The following CNTNAP5 variants were observed in gnomAD, a reference collection of about 807,000 sequenced individuals.
The protein encoded by CNTNAP5 is contactin-associated protein-like 5.
Under a neutral mutation model 150.2 loss-of-function variants are expected in CNTNAP5, and 72 were observed. The ratio of observed to expected loss-of-function variants is 0.48; its 90% CI spans 0.40 to 0.58. The LOEUF (loss-of-function observed/expected upper bound fraction) is 0.58, where lower values mean the gene tolerates loss of function less well. Among genes scored for constraint, CNTNAP5 ranks in the 20% least tolerant of loss-of-function variants. CNTNAP5 has a pLI of 0.00. For missense variants in CNTNAP5, 1,636 were observed against 1,626.2 expected, an observed-to-expected ratio of 1.01 and a Z score of -0.10; for synonymous variants, 672 against 619.8, an observed-to-expected ratio of 1.08 and a Z score of -1.25.
In CNTNAP5 at chr2:124,449,885, T is replaced by C. The variant is rs151268395; in HGVS notation, c.918+2948T>C. On this transcript the variant is annotated intron_variant, in intron 6 of 23. Coordinates refer to ENST00000682447, the MANE Select transcript of CNTNAP5 (RefSeq NM_001367498.1). ...CTTTGAAGATTCACCCCAAAGTCTGTGTGGAGATGAAAGAACACTGGTGCA... is the reference window on the plus strand; with the variant it reads ...CTTTGAAGATTCACCCCAAAGTCTGCGTGGAGATGAAAGAACACTGGTGCA... Among the ~76,000 whole-genome samples, 15 of 152,218 alleles carry C rather than the reference T, an allele frequency of 9.9e-5. No homozygotes were observed. The East Asian group carries it at 2.9e-3, about 29-fold the overall frequency.
chr2:124,909,824 G>GATATATAT (rs1203121251), intron 22 of CNTNAP5, among the ~76,000 whole-genome samples: 416 of 29,194 alleles, frequency 0.014, 5 homozygotes, highest in African/African-American at 0.038. Context: ...ATCAATTGGT[G>GATATATAT]ACATATATAT....
At chr2:124,485,567 C>A (rs1381366276) in intron 7 of CNTNAP5, among the ~76,000 whole-genome samples, 2 of 142,662 alleles carry the variant, frequency 1.4e-5, no homozygotes, top group Admixed American at 1.5e-4. Flanking sequence ...GAGCCGAGAT[C>A]ACGCCACTGC....
At chr2:124,118,925 A>G (rs1304356252) in intron 1 of CNTNAP5, among the ~76,000 whole-genome samples, 1 of 152,154 alleles carries the variant, frequency 6.6e-6, no homozygotes, top group East Asian at 1.9e-4. Context: ...ATACTCTTTC[A>G]TGTATACAAT....
At chr2:124,209,152 C>T (rs922937565) in intron 1 of CNTNAP5, among the ~76,000 whole-genome samples, 1 of 152,182 alleles carries the variant, frequency 6.6e-6, no homozygotes, top group Non-Finnish European at 1.5e-5. Flanking sequence ...GCTCACTCAT[C>T]AGACTTCAAG....
chr2:124,289,495 C>T (rs1055749207), intron 3 of CNTNAP5, among the ~76,000 whole-genome samples: 1 of 152,036 alleles, frequency 6.6e-6, no homozygotes, highest in African/African-American at 2.4e-5. Context: ...CATCAGTCTC[C>T]ATAATATTAA....
At chr2:124,087,673 G>C (rs1021382265) in intron 1 of CNTNAP5, among the ~76,000 whole-genome samples, 2 of 151,850 alleles carry the variant, frequency 1.3e-5, no homozygotes, top group African/African-American at 4.9e-5. Context: ...AGTGAGCTGA[G>C]ATGGTGCCAC....
chr2:124,753,377 T>G (rs575872521), intron 14 of CNTNAP5, among the ~76,000 whole-genome samples: 3 of 152,324 alleles, frequency 2.0e-5, no homozygotes, highest in Non-Finnish European at 4.4e-5. Context: ...GGATGAATGA[T>G]TTCTGTTAGA....
chr2:124,451,428 T>C (rs1692980336), intron 6 of CNTNAP5, among the ~76,000 whole-genome samples: 1 of 151,990 alleles, frequency 6.6e-6, no homozygotes, highest in South Asian at 2.1e-4. Context: ...ATTTCGTCTA[T>C]GTAAAATTTT....
chr2:124,546,112 C>T (rs1209551258), intron 10 of CNTNAP5, among the ~76,000 whole-genome samples: 1 of 151,988 alleles, frequency 6.6e-6, no homozygotes, highest in Non-Finnish European at 1.5e-5. Context: ...ATCCAACACC[C>T]CAGTTGGATA....
chr2:124,628,734 G>A (rs1219432151), intron 12 of CNTNAP5, among the ~76,000 whole-genome samples: 1 of 152,092 alleles, frequency 6.6e-6, no homozygotes, highest in Non-Finnish European at 1.5e-5. Context: ...TACATTAAAT[G>A]GGCTAAATGC....
At chr2:124,490,769 G>A (rs1032914784) in intron 7 of CNTNAP5, among the ~76,000 whole-genome samples, 39 of 152,050 alleles carry the variant, frequency 2.6e-4, no homozygotes, top group African/African-American at 8.4e-4. Flanking sequence ...TAATTATTAT[G>A]TAATGTTTTT....
chr2:124,687,474 G>A (rs1679215378), intron 13 of CNTNAP5, among the ~76,000 whole-genome samples: 1 of 151,882 alleles, frequency 6.6e-6, no homozygotes, highest in African/African-American at 2.4e-5. Context: ...TCTGAAATGT[G>A]CTACTCTGCA....
intron 3 of CNTNAP5, among the ~76,000 whole-genome samples, chr2:124,319,077 G>A (rs1209413880): frequency 6.6e-6 from 1 of 152,202 alleles, no homozygotes. Flanking sequence ...TTGAGAGGAA[G>A]GATGGTGCTA....
At chr2:124,448,376 G>A (rs1022015804) in intron 6 of CNTNAP5, among the ~76,000 whole-genome samples, 8 of 151,590 alleles carry the variant, frequency 5.3e-5, no homozygotes, top group Non-Finnish European at 8.8e-5. Flanking sequence ...ATATTATATC[G>A]ATTTGCCTGT....
chr2:124,531,852 A>C (rs757103722), intron 10 of CNTNAP5, among the ~76,000 whole-genome samples: 6 of 152,200 alleles, frequency 3.9e-5, no homozygotes, highest in Non-Finnish European at 7.3e-5. Context: ...ATAAGTAGAG[A>C]GTTCATTTGG....
chr2:124,379,587 T>C (rs536206107), intron 3 of CNTNAP5, among the ~76,000 whole-genome samples: 2 of 152,270 alleles, frequency 1.3e-5, no homozygotes, highest in South Asian at 4.1e-4. Flanking sequence ...CCAAGTTTGG[T>C]CAACTAGGAA....
intron 13 of CNTNAP5, among the ~76,000 whole-genome samples, chr2:124,669,328 T>G (rs1047739552): frequency 1.3e-5 from 2 of 152,220 alleles, no homozygotes; most frequent in African/African-American, 4.8e-5. Context: ...GATCATTTCT[T>G]GATTAGTGGC....
At chr2:124,423,652 CTTTTTTTTTTTTT>C (rs1187961580) in intron 4 of CNTNAP5, among the ~76,000 whole-genome samples, 9 of 41,586 alleles carry the variant, frequency 2.2e-4, no homozygotes, top group South Asian at 1.9e-3. Context: ...GGCTAATTAA[CTTTTTTTTTTTTT>C]TTTTTTTTTT....
chr2:124,881,066 A>G (rs1677954987), intron 21 of CNTNAP5, among the ~76,000 whole-genome samples: 1 of 152,150 alleles, frequency 6.6e-6, no homozygotes. Context: ...CAAGGGAAAC[A>G]AGAACAGTCC....
Sources: allele counts gnomAD v4.1 joint callset (sites outside exome capture counted in the v4.1 genomes callset), GRCh38; gene constraint gnomAD v4.1.1; transcripts MANE v1.5; gene names NCBI Gene and HGNC (gene_info 2026-07-23, HGNC 2026-07-21).